ITSN1: variants seen among roughly 807,000 people sequenced by gnomAD.
ITSN1 encodes intersectin-1.
Under a neutral mutation model 239.8 loss-of-function variants are expected in ITSN1, and 58 were observed. That is an observed-to-expected ratio of 0.24 (90% CI 0.20 to 0.30). ITSN1 has a LOEUF of 0.30. Among genes scored for constraint, ITSN1 ranks in the 10% least tolerant of loss-of-function variants. The probability of loss-of-function intolerance (pLI) is 1.00; values close to 1 mark genes in which losing one functional copy is unlikely to be tolerated. For synonymous variants in ITSN1, 780 were observed against 770.8 expected (o/e 1.01, Z -0.20); for missense variants, 1,558 against 2,103.3 (o/e 0.74, Z 5.07).
intron 26 of ITSN1, among the ~76,000 whole-genome samples, chr21:33,827,728 AAAAAG>A (rs781748040): frequency 9.2e-5 from 14 of 152,256 alleles, no homozygotes; most frequent in Non-Finnish European, 2.1e-4. Flanking sequence ...AAATAGCACG[AAAAAG>A]AAAAGAAAGA....
At chr21:33,792,330 G>A (rs1002449259) in intron 16 of ITSN1, among the ~76,000 whole-genome samples, 4 of 152,124 alleles carry the variant, frequency 2.6e-5, no homozygotes, top group South Asian at 2.1e-4. Context: ...TCAGCCTCCC[G>A]AGTAGCTGGG....
intron 25 of ITSN1, among the ~76,000 whole-genome samples, chr21:33,824,125 A>G (rs1230266387): frequency 6.6e-6 from 1 of 152,232 alleles, no homozygotes; most frequent in Non-Finnish European, 1.5e-5. Flanking sequence ...CACAGTAGAA[A>G]GACACAAGAT....
At position 33,775,063 on chromosome 21, in the gene ITSN1, A is replaced by G. The variant is rs2069492475; in HGVS notation, c.1551A>G (p.Arg517=). 2.5e-6 allele frequency: 4 copies of G among 1,613,982 alleles called. No individual in the cohort carries two copies. The African/African-American group carries it at 4.0e-5, about 16-fold the overall frequency. The part of the protein sequence containing the change: ...RQEIESTNKS[R]ELRIAEITHL... ...AAATTGAGAGCACAAACAAATCTAGAGAGTTGAGAATTGCCGAAATCACCC... is the reference window on the plus strand; with the variant it reads ...AAATTGAGAGCACAAACAAATCTAGGGAGTTGAGAATTGCCGAAATCACCC... The change falls in exon 14 of 40, where the codon AGA becomes AGG. Residue 517 remains arginine, a synonymous_variant. Coordinates refer to ENST00000381318, the MANE Select transcript of ITSN1 (RefSeq NM_003024.3).
At chr21:33,830,206 G>A (rs1321494975) in intron 27 of ITSN1, among the ~76,000 whole-genome samples, 1 of 152,110 alleles carries the variant, frequency 6.6e-6, no homozygotes, top group Non-Finnish European at 1.5e-5. Flanking sequence ...ATATCATCTT[G>A]TTTACACATT....
At chr21:33,796,509 T>C (rs1227067119) in intron 17 of ITSN1, among the ~76,000 whole-genome samples, 3 of 152,230 alleles carry the variant, frequency 2.0e-5, no homozygotes, top group Non-Finnish European at 4.4e-5. Context: ...GGCAGATTCC[T>C]AATTCTAGCC....
chr21:33,732,087 G>C (rs1272766596), intron 4 of ITSN1, among the ~76,000 whole-genome samples: 1 of 152,306 alleles, frequency 6.6e-6, no homozygotes, highest in Non-Finnish European at 1.5e-5. Flanking sequence ...GCATTTCATT[G>C]AAAGAGTTAT....
At chr21:33,807,752 G>C (rs552600626) in intron 20 of ITSN1, among the ~76,000 whole-genome samples, 1 of 152,172 alleles carries the variant, frequency 6.6e-6, no homozygotes, top group African/African-American at 2.4e-5. Flanking sequence ...AGTTCCCGTC[G>C]ATCAAGGGAT....
At chr21:33,711,654 G>T (rs1349054006) in intron 1 of ITSN1, among the ~76,000 whole-genome samples, 3 of 17,142 alleles carry the variant, frequency 1.8e-4, no homozygotes, top group African/African-American at 9.6e-4. Flanking sequence ...TCTGTGTGTT[G>T]TGTGTGTGTG....
intron 29 of ITSN1, among the ~76,000 whole-genome samples, chr21:33,839,448 A>G (rs544171921): frequency 4.3e-4 from 66 of 152,112 alleles, no homozygotes; most frequent in South Asian, 3.1e-3. Context: ...GAGTGGGGGA[A>G]GAGGTGTGGC....
chr21:33,876,658 T>C (rs1983970053), intron 34 of ITSN1, among the ~76,000 whole-genome samples: 2 of 152,216 alleles, frequency 1.3e-5, no homozygotes, highest in African/African-American at 4.8e-5. Context: ...CCCAGTGCTT[T>C]GGGAAGTGGA....
In ITSN1 at chr21:33,897,829, A is replaced by C. The variant is rs1284432974; in HGVS notation, c.*9529A>C. The C allele has an allele frequency of 6.6e-6, 1 of 152,214 alleles. No individual in the cohort carries two copies. Among genetic ancestry groups the C allele is most frequent in the East Asian group, 1.9e-4 (1 of 5,198 alleles). 9.4% of individuals were successfully genotyped at this position (152,214 alleles called of 1,614,324 possible). On this transcript the variant is annotated 3_prime_UTR_variant, in exon 40 of 40. Coordinates refer to ENST00000381318, the MANE Select transcript of ITSN1 (RefSeq NM_003024.3). ...CCAAGAGTAGAAAATGCTTAATGAG[A>C]TTACTTGGGTTCAACTCAACTAAAT...
chr21:33,877,057 ACCT>A (rs1984044467), intron 34 of ITSN1, among the ~76,000 whole-genome samples: 1 of 28,990 alleles, frequency 3.4e-5, no homozygotes. Context: ...ACCTGTGGGC[ACCT>A]TTTTTTTTTT....
chr21:33,800,913 C>T (rs911311528), intron 19 of ITSN1, among the ~76,000 whole-genome samples: 1 of 151,294 alleles, frequency 6.6e-6, no homozygotes, highest in Non-Finnish European at 1.5e-5. Flanking sequence ...CTCCCTGCAA[C>T]CTCTGCCTCC....
Position 33,818,306 on chromosome 21 carries a change from C to A in ITSN1, c.2767C>A (p.Pro923Thr). Reference protein sequence around the residue: ...VEGLQAQALYPWRAKKDNHLN... With the variant: ...VEGLQAQALYTWRAKKDNHLN... ...GGGGCTACAAGCTCAAGCCCTATAT[C>A]CTTGGAGAGCCAAAAAAGACAACCA... is the stretch of plus-strand genomic sequence containing the variant. Residue 923 changes from proline to threonine, a missense_variant, in exon 23 of 40, where the codon CCT becomes ACT. Around this residue, in one of 2 missense-constraint regions of ITSN1, gnomAD observed 982 missense variants for 1,209.9 expected, o/e 0.81. Coordinates refer to ENST00000381318, the MANE Select transcript of ITSN1 (RefSeq NM_003024.3). The A allele has an allele frequency of 6.2e-7, 1 of 1,614,182 alleles. No individual in the cohort carries two copies. The highest frequency in any genetic ancestry group is 8.5e-7 in the Non-Finnish European group (1 of 1,180,016).
At chr21:33,794,571 A>G in intron 17 of ITSN1, 103 bp downstream of exon 17, 1 of 1,444,392 alleles carries the variant, frequency 6.9e-7, no homozygotes, top group African/African-American at 1.4e-5. Context: ...AAGAGCCTTC[A>G]GTCTTTAGTG....
chr21:33,716,262 A>T (rs970716983), intron 1 of ITSN1, among the ~76,000 whole-genome samples: 1 of 152,166 alleles, frequency 6.6e-6, no homozygotes, highest in Non-Finnish European at 1.5e-5. Flanking sequence ...ACTCCAGCAG[A>T]TGGGTAACTA....
At chr21:33,682,661 G>A (rs2091032824) in intron 1 of ITSN1, among the ~76,000 whole-genome samples, 1 of 151,980 alleles carries the variant, frequency 6.6e-6, no homozygotes, top group Non-Finnish European at 1.5e-5. Context: ...CCCAGTAGCT[G>A]GCACTACAGG....
At chr21:33,822,613 AT>A (rs2073753059) in intron 24 of ITSN1, among the ~76,000 whole-genome samples, 1 of 152,208 alleles carries the variant, frequency 6.6e-6, no homozygotes, top group African/African-American at 2.4e-5. Flanking sequence ...ACCAAGAGTG[AT>A]GCAAAGTTCT....
chr21:33,851,227 C>T (rs1409421879), intron 29 of ITSN1, among the ~76,000 whole-genome samples: 1 of 152,108 alleles, frequency 6.6e-6, no homozygotes, highest in Non-Finnish European at 1.5e-5. Context: ...AAGGCTTGCT[C>T]TTGCTGGTGC....
Sources: gnomAD v4.1 joint callset for allele counts (sites outside exome capture counted in the v4.1 genomes callset) on GRCh38, gnomAD v4.1.1 for gene constraint, gnomAD v4.1.1 regional missense constraint, MANE v1.5 for transcripts, NCBI Gene and HGNC (gene_info 2026-07-23, HGNC 2026-07-21) for gene names.